The following ZNF212 variants were observed in gnomAD, a reference collection of about 807,000 sequenced individuals.
The protein encoded by ZNF212 is zinc finger protein 212, also known as Zinc finger protein C2H2-150.
A neutral mutation model predicts 47.3 loss-of-function variants in ZNF212; 32 were observed. The observed-to-expected ratio is 0.68, with a 90% CI of 0.51 to 0.91. ZNF212 has a LOEUF of 0.91. Among genes scored for constraint, ZNF212 ranks in the 40% least tolerant of loss-of-function variants. The probability of loss-of-function intolerance (pLI) is 0.00; values close to 1 mark genes in which losing one functional copy is unlikely to be tolerated. For synonymous variants in ZNF212, 242 were observed against 253.8 expected (o/e 0.95, Z 0.44); for missense variants, 555 against 622.8 (o/e 0.89, Z 1.16).
At chr7:149,241,532 T>C (rs1006945139) in intron 1 of ZNF212, among the ~76,000 whole-genome samples, 3 of 152,174 alleles carry the variant, frequency 2.0e-5, no homozygotes, top group African/African-American at 7.2e-5. Flanking sequence ...CTTGAGCCTG[T>C]TTCTCTTCTC....
intron 1 of ZNF212, among the ~76,000 whole-genome samples, chr7:149,248,134 C>T (rs1796703331): frequency 6.6e-6 from 1 of 152,174 alleles, no homozygotes; most frequent in Non-Finnish European, 1.5e-5. Flanking sequence ...GATATGCCCT[C>T]ATGACCCAAA....
chr7:149,240,445 C>T (rs1423989321), intron 1 of ZNF212, among the ~76,000 whole-genome samples: 1 of 133,154 alleles, frequency 7.5e-6, no homozygotes, highest in Non-Finnish European at 1.6e-5. Context: ...TGTCAAGATA[C>T]GGAGTTTGGT....
chr7:149,240,228 G>A (rs1796567712), intron 1 of ZNF212, among the ~76,000 whole-genome samples: 2 of 152,228 alleles, frequency 1.3e-5, no homozygotes, highest in Admixed American at 6.5e-5. Flanking sequence ...TCTTCGGTCC[G>A]ATGTGTTGTC....
Position 149,250,642 on chromosome 7 carries a change from T to G in ZNF212, c.415-39T>G, listed in dbSNP as rs202154650. 7 of 1,613,606 alleles carry G rather than the reference T, an allele frequency of 4.3e-6. No individual in the cohort carries two copies. The African/African-American group carries it at 8.0e-5, about 18-fold the overall frequency. On this transcript the variant is annotated intron_variant, in intron 2 of 4. Coordinates refer to ENST00000335870, the MANE Select transcript of ZNF212 (RefSeq NM_012256.4). The stretch of plus-strand genomic sequence containing the variant: ...GTTGCTGGCTTTTCTGTCATAGCTG[T>G]GAGTAGAAGCACTCATGGTGTGCCA...
chr7:149,250,518 G>GC lies in ZNF212; in HGVS notation c.389dup (p.Ser132GlnfsTer15). The GC allele has an allele frequency of 1.9e-6, 3 of 1,613,392 alleles. No homozygotes were observed. The highest frequency in any genetic ancestry group is 2.5e-6 in the Non-Finnish European group (3 of 1,179,618). On this transcript the variant is annotated frameshift_variant, in exon 2 of 5. Coordinates refer to ENST00000335870, the MANE Select transcript of ZNF212 (RefSeq NM_012256.4). LOFTEE classifies it high-confidence loss of function. ...ACAGGAACTTCTGGATCCTGCGGCT[G>GC]CCCCCGGGCAGCAAGGGGGAGGCCC... is the stretch of plus-strand genomic sequence containing the variant.
intron 1 of ZNF212, among the ~76,000 whole-genome samples, chr7:149,243,791 G>T (rs1796635178): frequency 6.6e-6 from 1 of 152,204 alleles, no homozygotes; most frequent in African/African-American, 2.4e-5. Flanking sequence ...ACTTATAAGG[G>T]TGTAGTGCAT....
intron 1 of ZNF212, among the ~76,000 whole-genome samples, chr7:149,246,890 G>T (rs146147458): frequency 3.7e-5 from 5 of 134,202 alleles, no homozygotes; most frequent in Non-Finnish European, 7.7e-5. Context: ...TCGGTTCACC[G>T]CAACCTCCGC....
intron 1 of ZNF212, among the ~76,000 whole-genome samples, chr7:149,242,422 C>A (rs1013896281): frequency 6.6e-6 from 1 of 151,634 alleles, no homozygotes; most frequent in African/African-American, 2.4e-5. Context: ...CAACAGCAAC[C>A]ATGGAAGCTA....
Position 149,239,933 on chromosome 7 carries a change from C to T in ZNF212, c.24+131C>T, listed in dbSNP as rs527799259. ...CGGGGCTGCCGTTGGCGCGGGTGAA[C>T]GCGGACCCTCCTCTTCGCGACCCCA... On this transcript the variant is annotated intron_variant, in intron 1 of 4. Transcript: ENST00000335870. 2.9e-5 allele frequency: 31 copies of T among 1,077,224 alleles called. 1 individual carries two copies. The Admixed American group carries it at 1.1e-3, about 37-fold the overall frequency. The allele number at this position is 1,077,224 out of a possible 1,614,324, so 66.7% of individuals were successfully genotyped here.
intron 1 of ZNF212, among the ~76,000 whole-genome samples, chr7:149,249,792 T>C (rs971275688): frequency 1.3e-5 from 2 of 152,176 alleles, no homozygotes; most frequent in African/African-American, 4.8e-5. Flanking sequence ...CATGCCTGGC[T>C]AATTTTTTGA....
At chr7:149,246,938 G>A (rs1466229672) in intron 1 of ZNF212, among the ~76,000 whole-genome samples, 1 of 147,692 alleles carries the variant, frequency 6.8e-6, no homozygotes, top group Non-Finnish European at 1.5e-5. Flanking sequence ...TCAGCCTCCC[G>A]AGTAGCTGGT....
rs766669626 is a variant in ZNF212 at position 149,250,350 on chromosome 7, C to T, written c.216C>T (p.Ala72=). The T allele has an allele frequency of 2.0e-5, 33 of 1,613,964 alleles. No homozygotes were observed. The highest frequency in any genetic ancestry group is 3.3e-5 in the Admixed American group (2 of 59,982). ...GCCTGGAGGGGCGCACGGGGACAGC[C>T]GAGAAGAAGCTGGCTGACTGCGAGA... The part of the protein sequence containing the change: ...LQSLEGRTGT[A]EKKLADCEKM... Residue 72 remains alanine (A), a synonymous_variant, in exon 2 of 5, where the codon GCC becomes GCT. Coordinates refer to ENST00000335870, the MANE Select transcript of ZNF212 (RefSeq NM_012256.4).
In ZNF212 at chr7:149,250,512, G is replaced by A. The variant is rs372048262; in HGVS notation, c.378G>A (p.Leu126=). ...TGCGCAACAGGAACTTCTGGATCCT[G>A]CGGCTGCCCCCGGGCAGCAAGGGGG... The part of the protein sequence containing the change: ...NLLRNRNFWI[L]RLPPGSKGEA... Residue 126 remains leucine (L), a synonymous_variant, in exon 2 of 5, where the codon CTG becomes CTA. Coordinates refer to ENST00000335870, the MANE Select transcript of ZNF212 (RefSeq NM_012256.4). The A allele has an allele frequency of 1.7e-4, 279 of 1,613,660 alleles. 3 individuals are homozygous for A. The highest frequency in any genetic ancestry group is 1.5e-4 in the Non-Finnish European group (175 of 1,179,822).
At chr7:149,250,963 T>A (rs1796746756) in intron 3 of ZNF212, among the ~76,000 whole-genome samples, 156 bp downstream of exon 3, 1 of 152,106 alleles carries the variant, frequency 6.6e-6, no homozygotes, top group African/African-American at 2.4e-5. Context: ...TCCTCCCATT[T>A]ACAGACCTGC....
In ZNF212 at chr7:149,254,595, G is replaced by T. The variant is rs1018341283; in HGVS notation, c.*180G>T. Reference sequence around the variant, plus strand: ...AAAACCCTGTGGAAGAAGAGTCCAGGCCAGGTCTTCATCCTGCTGCCAAGT... The same window carrying T: ...AAAACCCTGTGGAAGAAGAGTCCAGTCCAGGTCTTCATCCTGCTGCCAAGT... On this transcript the variant is annotated 3_prime_UTR_variant, in exon 5 of 5. Coordinates refer to ENST00000335870, the MANE Select transcript of ZNF212 (RefSeq NM_012256.4). This position sits in a 1 kb window ranked among gnomAD's most constrained non-coding sequence, Gnocchi z 4.5. The T allele has an allele frequency of 9.5e-6, 9 of 946,594 alleles. No homozygotes were observed. Among genetic ancestry groups the T allele is most frequent in the Non-Finnish European group, 1.3e-5 (9 of 670,840 alleles). The allele number at this position is 946,594 out of a possible 1,614,324, so 58.6% of individuals were successfully genotyped here.
intron 1 of ZNF212, among the ~76,000 whole-genome samples, chr7:149,242,348 C>T (rs1454618062): frequency 2.8e-5 from 4 of 142,788 alleles, no homozygotes; most frequent in Admixed American, 2.8e-4. Context: ...TTCTTAAAAG[C>T]AACCAAAAAA....
Position 149,255,587 on chromosome 7 carries a change from T to C in ZNF212, c.*1172T>C, listed in dbSNP as rs1044667886. The C allele has an allele frequency of 7.8e-5, 12 of 152,870 alleles. No homozygotes were observed. The highest frequency in any genetic ancestry group is 2.9e-4 in the African/African-American group (12 of 41,086). The allele number at this position is 152,870 out of a possible 1,614,324, so 9.5% of individuals were successfully genotyped here. ...GGTTGCTTAGAATAAAACTTGCTACTAGCAAAAGAAAAAAAAAAAGTTCAT... is the reference window on the plus strand; with the variant it reads ...GGTTGCTTAGAATAAAACTTGCTACCAGCAAAAGAAAAAAAAAAAGTTCAT... On this transcript the variant is annotated 3_prime_UTR_variant, in exon 5 of 5. Transcript: ENST00000335870.
chr7:149,246,614 C>G (rs1416376397), intron 1 of ZNF212, among the ~76,000 whole-genome samples: 2 of 152,062 alleles, frequency 1.3e-5, no homozygotes, highest in Non-Finnish European at 2.9e-5. Flanking sequence ...TCTTGATCTC[C>G]TGACCTCATG....
intron 1 of ZNF212, among the ~76,000 whole-genome samples, chr7:149,247,395 C>T (rs919867876): frequency 1.6e-4 from 24 of 152,164 alleles, no homozygotes; most frequent in African/African-American, 5.3e-4. Context: ...TATGAGCCAC[C>T]GTGCCTGACC....
Sources: allele counts gnomAD v4.1 joint callset (sites outside exome capture counted in the v4.1 genomes callset), GRCh38; gene constraint gnomAD v4.1.1; non-coding constraint Gnocchi (gnomAD v3.1); transcripts MANE v1.5; gene names NCBI Gene and HGNC (gene_info 2026-07-23, HGNC 2026-07-21).